The following KIT variants were observed in gnomAD, a reference collection of about 807,000 sequenced individuals.
The protein encoded by KIT is KIT proto-oncogene, receptor tyrosine kinase, also known as mast/stem cell growth factor receptor Kit.
In KIT, 16 loss-of-function variants were observed where a neutral mutation model predicts 105.7. That is an observed-to-expected ratio of 0.15 (90% CI 0.10 to 0.23). The LOEUF is 0.23. Ranked by LOEUF, KIT falls within the 10% of genes least tolerant of loss-of-function variation. The pLI, the probability that KIT is intolerant of heterozygous loss-of-function variation, is 1.00. For missense variants in KIT, 858 were observed against 1,213.8 expected, an observed-to-expected ratio of 0.71 and a Z score of 4.36; for synonymous variants, 438 against 441.1, an observed-to-expected ratio of 0.99 and a Z score of 0.09.
chr4:54,660,486 C>G (rs1717175201), intron 1 of KIT, among the ~76,000 whole-genome samples: 1 of 152,034 alleles, frequency 6.6e-6, no homozygotes, highest in Non-Finnish European at 1.5e-5. Context: ...TGTTTTTTCC[C>G]CCACTCATTC....
intron 2 of KIT, 150 bp downstream of exon 2, chr4:54,695,931 C>T: frequency 1.1e-6 from 1 of 870,920 alleles, no homozygotes. Flanking sequence ...ACTGTTCTCT[C>T]CCATCTTTTG....
intron 7 of KIT, among the ~76,000 whole-genome samples, chr4:54,721,455 G>A (rs1426711123): frequency 6.6e-6 from 1 of 152,230 alleles, no homozygotes; most frequent in East Asian, 1.9e-4. Context: ...GCTTTCGCAA[G>A]ACGATGGCTT....
intron 8 of KIT, among the ~76,000 whole-genome samples, chr4:54,724,426 G>A (rs1722090116): frequency 6.6e-6 from 1 of 152,144 alleles, no homozygotes; most frequent in African/African-American, 2.4e-5. Context: ...GTTGGAAGGG[G>A]TTACATCGGA....
intron 1 of KIT, among the ~76,000 whole-genome samples, chr4:54,676,017 C>A (rs1718437992): frequency 6.6e-6 from 1 of 152,096 alleles, no homozygotes; most frequent in African/African-American, 2.4e-5. Flanking sequence ...TCAGGGGGAC[C>A]CAGTGCTAGG....
chr4:54,730,183 C>G (rs1031227933), intron 14 of KIT, among the ~76,000 whole-genome samples: 1 of 152,182 alleles, frequency 6.6e-6, no homozygotes, highest in Admixed American at 6.6e-5. Flanking sequence ...TGGAAATGCT[C>G]TTAAGGGCCA....
chr4:54,671,633 C>A (rs1355266835), intron 1 of KIT, among the ~76,000 whole-genome samples: 1 of 152,052 alleles, frequency 6.6e-6, no homozygotes, highest in East Asian at 1.9e-4. Flanking sequence ...TTTAAGTAAA[C>A]CCTATTTAAA....
At chr4:54,691,964 G>A (rs778997149) in intron 1 of KIT, among the ~76,000 whole-genome samples, 4 of 152,158 alleles carry the variant, frequency 2.6e-5, no homozygotes, top group Non-Finnish European at 5.9e-5. Context: ...TAGGAAGTGG[G>A]TGAGTCCGGA....
At chr4:54,719,059 C>A (rs922994601) in intron 7 of KIT, among the ~76,000 whole-genome samples, 1 of 152,130 alleles carries the variant, frequency 6.6e-6, no homozygotes, top group Non-Finnish European at 1.5e-5. Context: ...CACCAGCAAA[C>A]CTCGAATTTT....
At chr4:54,683,765 C>T (rs2109616661) in intron 1 of KIT, among the ~76,000 whole-genome samples, 1 of 152,218 alleles carries the variant, frequency 6.6e-6, no homozygotes, top group Non-Finnish European at 1.5e-5. Context: ...GAGTGCTGTT[C>T]AAAAAGCAGA....
chr4:54,699,504 C>T, intron 3 of KIT, 126 bp from the exon 4 acceptor site: 6 of 1,044,200 alleles, frequency 5.7e-6, no homozygotes, highest in Non-Finnish European at 8.6e-6. Flanking sequence ...GATAGGTTAG[C>T]ACCATGCTTT....
chr4:54,665,256 G>T (rs1257157562), intron 1 of KIT, among the ~76,000 whole-genome samples: 1 of 152,156 alleles, frequency 6.6e-6, no homozygotes, highest in Non-Finnish European at 1.5e-5. Context: ...TCCATTGTAT[G>T]TATAGACCAC....
chr4:54,697,099 C>A (rs1197440705), intron 2 of KIT, among the ~76,000 whole-genome samples: 1 of 152,134 alleles, frequency 6.6e-6, no homozygotes, highest in Non-Finnish European at 1.5e-5. Flanking sequence ...TCTGTTACAG[C>A]AATGAAGGAA....
At chr4:54,731,743 G>A (rs1722609245) in intron 15 of KIT, 128 bp from the exon 16 acceptor site, 14 of 938,168 alleles carry the variant, frequency 1.5e-5, no homozygotes, top group Non-Finnish European at 2.3e-5. Flanking sequence ...GGACACCAGG[G>A]AAGTGATCTG....
chr4:54,704,295 G>A (rs77510296), intron 5 of KIT, among the ~76,000 whole-genome samples: 4,518 of 152,280 alleles, frequency 0.03, 169 homozygotes, highest in East Asian at 0.18. Flanking sequence ...TAGGGGCTGT[G>A]CCCCTTGGTT....
intron 7 of KIT, among the ~76,000 whole-genome samples, chr4:54,718,883 A>T (rs1721670223): frequency 6.6e-6 from 1 of 152,198 alleles, no homozygotes; most frequent in African/African-American, 2.4e-5. Flanking sequence ...GGAATTTTTT[A>T]AAAAGTATAA....
At chr4:54,727,693 A>T in intron 11 of KIT, 130 bp from the exon 12 acceptor site, 2 of 1,286,590 alleles carry the variant, frequency 1.6e-6, no homozygotes. Context: ...TGCCATAGAG[A>T]ACATCGTAGG....
intron 1 of KIT, among the ~76,000 whole-genome samples, chr4:54,693,096 T>C (rs901333817): frequency 1.3e-5 from 2 of 152,216 alleles, no homozygotes; most frequent in Non-Finnish European, 2.9e-5. Flanking sequence ...CAGATCTCTA[T>C]TTCTGTCTTG....
chr4:54,738,016 A>G (rs2109816268), intron 20 of KIT, among the ~76,000 whole-genome samples: 1 of 152,344 alleles, frequency 6.6e-6, no homozygotes, highest in South Asian at 2.1e-4. Context: ...CAAATTGAAC[A>G]GCATTTTCCA....
rs138080715 is a variant in KIT at position 54,659,768 on chromosome 4, G to A, written c.67+1687G>A. ...GTTAAGCTATGTGAACTAGAACCTA[G>A]TAGGAGACTAGAAAGACCACATCGA... On this transcript the variant is annotated intron_variant, in intron 1 of 20. Transcript: ENST00000288135. Among the ~76,000 whole-genome samples the A allele has an allele frequency of 1.9e-3, 287 of 152,312 alleles. 1 individual carries two copies. The highest frequency in any genetic ancestry group is 5.8e-3 in the African/African-American group (242 of 41,564).
Sources: allele counts gnomAD v4.1 joint callset (sites outside exome capture counted in the v4.1 genomes callset), GRCh38; gene constraint gnomAD v4.1.1; transcripts MANE v1.5; gene names NCBI Gene and HGNC (gene_info 2026-07-23, HGNC 2026-07-21).